SLC39A11: variants seen among roughly 807,000 people sequenced by gnomAD.
SLC39A11 encodes the protein solute carrier family 39 member 11.
A neutral mutation model predicts 36.1 loss-of-function variants in SLC39A11; 33 were observed. The observed-to-expected ratio is 0.91, with a 90% CI of 0.69 to 1.22. The LOEUF (loss-of-function observed/expected upper bound fraction) is 1.22, where lower values mean the gene tolerates loss of function less well. Ranked by LOEUF, SLC39A11 falls within the 50% of genes most tolerant of loss-of-function variation. The pLI, the probability that SLC39A11 is intolerant of heterozygous loss-of-function variation, is 0.00. For synonymous variants in SLC39A11, 166 were observed against 170.3 expected (o/e 0.97, Z 0.20); for missense variants, 432 against 430.3 (o/e 1.00, Z -0.03).
At chr17:72,716,990 T>TACACAC (rs1452808858) in intron 7 of SLC39A11, among the ~76,000 whole-genome samples, 2 of 123,364 alleles carry the variant, frequency 1.6e-5, no homozygotes, top group African/African-American at 7.4e-5. Flanking sequence ...AATATATATA[T>TACACAC]ATACACACAC....
chr17:72,974,486 A>G (rs1332720082), intron 4 of SLC39A11, among the ~76,000 whole-genome samples: 1 of 152,146 alleles, frequency 6.6e-6, no homozygotes, highest in African/African-American at 2.4e-5. Context: ...TAATAGAAAA[A>G]AGCTTACAGA....
At chr17:72,811,423 G>C (rs1051731477) in intron 6 of SLC39A11, among the ~76,000 whole-genome samples, 1 of 152,170 alleles carries the variant, frequency 6.6e-6, no homozygotes, top group Non-Finnish European at 1.5e-5. Flanking sequence ...GGCAATCACT[G>C]TTTATAATTT....
intron 6 of SLC39A11, among the ~76,000 whole-genome samples, chr17:72,770,213 G>C (rs538122588): frequency 7.2e-5 from 11 of 152,336 alleles, no homozygotes; most frequent in Admixed American, 5.2e-4. Flanking sequence ...AAATGAGCCA[G>C]ACACAAAAGA....
intron 6 of SLC39A11, among the ~76,000 whole-genome samples, chr17:72,795,079 T>G (rs1240472112): frequency 1.3e-5 from 2 of 152,138 alleles, no homozygotes; most frequent in Non-Finnish European, 2.9e-5. Context: ...AAATAATTTA[T>G]CTCCCTCATG....
At chr17:73,042,436 T>A (rs2143553384) in intron 3 of SLC39A11, among the ~76,000 whole-genome samples, 1 of 152,272 alleles carries the variant, frequency 6.6e-6, no homozygotes, top group Non-Finnish European at 1.5e-5. Flanking sequence ...GAACATAGAC[T>A]CTAACCTCAA....
At chr17:72,909,806 C>G (rs566907302) in intron 5 of SLC39A11, among the ~76,000 whole-genome samples, 15 of 148,266 alleles carry the variant, frequency 1.0e-4, no homozygotes, top group African/African-American at 2.0e-4. Context: ...AGTGCAGTGG[C>G]GTGATCTCGG....
rs542619678 is a variant in SLC39A11, at chr17:73,087,275, G to A, written c.108+1382C>T. On this transcript the variant is annotated intron_variant, in intron 2 of 9. Transcript: ENST00000255559. ...TCCAGTCTCCAACCCATCAGCTCCC[G>A]GGGGCAGTGCAGCGCAGCAAGGGAG... 9.4e-5 allele frequency among the ~76,000 whole-genome samples: 14 copies of A among 148,182 alleles called. No homozygotes were observed. The East Asian group carries it at 1.5e-3, about 16-fold the overall frequency.
chr17:73,063,114 T>C (rs933367613), intron 3 of SLC39A11, among the ~76,000 whole-genome samples: 3 of 152,138 alleles, frequency 2.0e-5, no homozygotes, highest in Non-Finnish European at 4.4e-5. Context: ...TTGGACAAAT[T>C]ATAAAAGAGT....
intron 5 of SLC39A11, among the ~76,000 whole-genome samples, chr17:72,894,220 T>A (rs2081909426): frequency 7.2e-6 from 1 of 138,190 alleles, no homozygotes; most frequent in African/African-American, 2.9e-5. Context: ...AAATTAGCTG[T>A]GCGTGGTGGC....
intron 5 of SLC39A11, among the ~76,000 whole-genome samples, chr17:72,874,793 C>A (rs1244337332): frequency 6.6e-6 from 1 of 152,214 alleles, no homozygotes; most frequent in Non-Finnish European, 1.5e-5. Flanking sequence ...GCCCATTCCC[C>A]TGTCCCGCTC....
intron 4 of SLC39A11, among the ~76,000 whole-genome samples, chr17:72,957,451 T>C (rs1442252129): frequency 2.0e-5 from 3 of 152,198 alleles, no homozygotes; most frequent in Admixed American, 2.0e-4. Context: ...CTCAATCTCA[T>C]TCACTTAAAA....
At chr17:72,649,327 G>A in intron 7 of SLC39A11, 59 bp from the exon 8 acceptor site, 1 of 1,522,680 alleles carries the variant, frequency 6.6e-7, no homozygotes, top group South Asian at 1.2e-5. Context: ...CACACAATGG[G>A]AGTCCCTGGC....
intron 4 of SLC39A11, among the ~76,000 whole-genome samples, chr17:73,027,459 G>T (rs1484921949): frequency 6.6e-6 from 1 of 152,094 alleles, no homozygotes; most frequent in Non-Finnish European, 1.5e-5. Flanking sequence ...AACAGTTACC[G>T]CAGAGCTTCT....
At chr17:72,913,767 G>A (rs2083164118) in intron 5 of SLC39A11, among the ~76,000 whole-genome samples, 1 of 124,568 alleles carries the variant, frequency 8.0e-6, no homozygotes, top group Admixed American at 9.2e-5. Context: ...TCTTTTATCA[G>A]AGAACCAGGG....
intron 3 of SLC39A11, among the ~76,000 whole-genome samples, chr17:73,051,142 C>A (rs929416184): frequency 6.6e-6 from 1 of 152,092 alleles, no homozygotes; most frequent in African/African-American, 2.4e-5. Context: ...AGAAAGCTTC[C>A]CTGCCTCTAG....
chr17:73,006,972 C>A (rs1405716019), intron 4 of SLC39A11, among the ~76,000 whole-genome samples: 1 of 152,162 alleles, frequency 6.6e-6, no homozygotes, highest in African/African-American at 2.4e-5. Flanking sequence ...AGTTTCAGGG[C>A]CCCTCCGTGT....
intron 5 of SLC39A11, among the ~76,000 whole-genome samples, chr17:72,850,901 C>G (rs2079278921): frequency 6.6e-6 from 1 of 152,110 alleles, no homozygotes; most frequent in Non-Finnish European, 1.5e-5. Context: ...TTTATGGGAA[C>G]CAATTCAGAC....
chr17:73,082,116 T>TAAAAAAAAAA (rs1462631665), intron 3 of SLC39A11, among the ~76,000 whole-genome samples: 11 of 80,324 alleles, frequency 1.4e-4, no homozygotes, highest in Middle Eastern at 0.017. Flanking sequence ...CTACTGAAAC[T>TAAAAAAAAAA]AAAAAAAAAG....
At chr17:72,810,398 T>C (rs889628814) in intron 6 of SLC39A11, among the ~76,000 whole-genome samples, 2 of 152,196 alleles carry the variant, frequency 1.3e-5, no homozygotes, top group African/African-American at 4.8e-5. Flanking sequence ...TACAATAGAA[T>C]ACTGCATAGT....
Sources: allele counts gnomAD v4.1 joint callset (sites outside exome capture counted in the v4.1 genomes callset), GRCh38; gene constraint gnomAD v4.1.1; transcripts MANE v1.5; gene names NCBI Gene and HGNC (gene_info 2026-07-23, HGNC 2026-07-21).